PEMT: variants seen among roughly 807,000 people sequenced by gnomAD.
The protein encoded by PEMT is phospholipid methyltransferase.
Under a neutral mutation model 27.4 loss-of-function variants are expected in PEMT, and 23 were observed. The ratio of observed to expected loss-of-function variants is 0.84; its 90% CI spans 0.60 to 1.19. The LOEUF (loss-of-function observed/expected upper bound fraction) is 1.19, where lower values mean the gene tolerates loss of function less well. Ranked by LOEUF, PEMT falls within the 50% of genes most tolerant of loss-of-function variation. The pLI, the probability that PEMT is intolerant of heterozygous loss-of-function variation, is 0.00. For missense variants in PEMT, 307 were observed against 310.1 expected (o/e 0.99, Z 0.07); for synonymous variants, 137 against 139.1 (o/e 0.98, Z 0.11).
chr17:17,558,462 C>T (rs1403017006), intron 2 of PEMT, among the ~76,000 whole-genome samples: 1 of 151,244 alleles, frequency 6.6e-6, no homozygotes, highest in African/African-American at 2.4e-5. Context: ...GAGCTGAGAT[C>T]GTGCCATTGT....
At chr17:17,507,099 G>A (rs1437893209) in intron 5 of PEMT, 42 of 1,466,466 alleles carry the variant, frequency 2.9e-5, no homozygotes, top group African/African-American at 1.3e-4. Context: ...CAAGGAGCCC[G>A]GGCGCAGCTG....
chr17:17,586,870 G>A (rs1912344678), intron 1 of PEMT, among the ~76,000 whole-genome samples: 1 of 152,122 alleles, frequency 6.6e-6, no homozygotes, highest in Admixed American at 6.6e-5. Flanking sequence ...AGGCGTGGTG[G>A]AGGGCGCCTG....
chr17:17,505,999 A>G, intron 6 of PEMT, 151 bp from the exon 7 acceptor site: 1 of 1,325,026 alleles, frequency 7.5e-7, no homozygotes, highest in Non-Finnish European at 1.0e-6. Flanking sequence ...ACTGACTTGG[A>G]GCCTTCAGAG....
chr17:17,570,548 G>A, intron 2 of PEMT: 1 of 985,334 alleles, frequency 1.0e-6, no homozygotes, highest in East Asian at 1.1e-4. Context: ...GCATGAGGGA[G>A]GGGACACCTG....
Position 17,505,755 on chromosome 17 carries a change from G to A in PEMT, c.*36C>T. The A allele has an allele frequency of 1.3e-6, 2 of 1,588,730 alleles. No individual in the cohort carries two copies. Among genetic ancestry groups the A allele is most frequent in the East Asian group, 2.3e-5 (1 of 44,058 alleles). On this transcript the variant is annotated 3_prime_UTR_variant, in exon 7 of 7. Transcript: ENST00000255389. Reference sequence around the variant, plus strand: ...CCTGCCACTTGGGGCAGGCCAGGAGGCTGGCCAGGCCTTCAGCAAAGCTGT... The same window carrying A: ...CCTGCCACTTGGGGCAGGCCAGGAGACTGGCCAGGCCTTCAGCAAAGCTGT...
chr17:17,549,350 T>C (rs1909487328), intron 2 of PEMT, among the ~76,000 whole-genome samples: 1 of 152,146 alleles, frequency 6.6e-6, no homozygotes, highest in African/African-American at 2.4e-5. Context: ...CCACCACACC[T>C]GGCTAATTTT....
chr17:17,531,447 T>C (rs1669428380), intron 2 of PEMT, among the ~76,000 whole-genome samples: 1 of 150,862 alleles, frequency 6.6e-6, no homozygotes, highest in African/African-American at 2.4e-5. Flanking sequence ...AAACCACAAA[T>C]AGATGGATAT....
At chr17:17,567,586 C>G (rs115657889) in intron 2 of PEMT, among the ~76,000 whole-genome samples, 208 of 152,408 alleles carry the variant, frequency 1.4e-3, no homozygotes, top group African/African-American at 4.8e-3. Context: ...AGCGTGGGCA[C>G]TGGGGACAAG....
At chr17:17,516,026 G>A (rs1370341116) in intron 3 of PEMT, among the ~76,000 whole-genome samples, 4 of 152,132 alleles carry the variant, frequency 2.6e-5, no homozygotes, top group Non-Finnish European at 5.9e-5. Context: ...CCAGGCCAGA[G>A]GCACACGGCC....
intron 2 of PEMT, among the ~76,000 whole-genome samples, chr17:17,566,493 A>C (rs1910836247): frequency 6.6e-6 from 1 of 152,112 alleles, no homozygotes; most frequent in South Asian, 2.1e-4. Context: ...GGCAAAACAC[A>C]CACTTTCAAC....
At chr17:17,557,719 G>T (rs1258232706) in intron 2 of PEMT, among the ~76,000 whole-genome samples, 1 of 152,220 alleles carries the variant, frequency 6.6e-6, no homozygotes, top group African/African-American at 2.4e-5. Context: ...AGTAGAGGGG[G>T]ACATTGCAGG....
intron 2 of PEMT, among the ~76,000 whole-genome samples, chr17:17,559,249 G>A (rs1304010378): frequency 6.6e-6 from 1 of 152,212 alleles, no homozygotes; most frequent in Non-Finnish European, 1.5e-5. Flanking sequence ...GGGGAGGGCT[G>A]GAGGCAGTGG....
intron 2 of PEMT, among the ~76,000 whole-genome samples, chr17:17,533,793 C>A (rs900911097): frequency 6.6e-6 from 1 of 151,268 alleles, no homozygotes; most frequent in Non-Finnish European, 1.5e-5. Flanking sequence ...TGCAGTGGTG[C>A]GATCTCGGCT....
At position 17,586,272 on chromosome 17, in the gene PEMT, GAAAGAAAGAAAGAAAGAAAAAA is replaced by G. The variant is rs1450378718; in HGVS notation, c.96+5237_96+5258del. 2.2e-3 allele frequency among the ~76,000 whole-genome samples: 237 copies of G among 108,000 alleles called. 7 individuals carry two copies. The highest frequency in any genetic ancestry group is 9.9e-3 in the African/African-American group (228 of 23,034). 70.9% of individuals were successfully genotyped at this position (108,000 alleles called of 152,430 possible). On this transcript the variant is annotated intron_variant, in intron 1 of 6. Transcript: ENST00000255389. ...AGAAAGAAAGAAAGAAAGAAAGAAA[GAAAGAAAGAAAGAAAGAAAAAA>G]AAAAACGCAGGTGGAAAATCGGGAG...
intron 2 of PEMT, among the ~76,000 whole-genome samples, chr17:17,560,216 C>T (rs1322208519): frequency 1.3e-5 from 2 of 152,218 alleles, no homozygotes; most frequent in African/African-American, 4.8e-5. Flanking sequence ...GATGGAAAGG[C>T]TGTAGGCCCC....
intron 2 of PEMT, among the ~76,000 whole-genome samples, chr17:17,557,985 TG>T (rs1910179129): frequency 6.6e-6 from 1 of 152,156 alleles, no homozygotes; most frequent in African/African-American, 2.4e-5. Context: ...CCCAAGAGCT[TG>T]GCACCTGCAG....
chr17:17,537,007 C>T (rs1015715921), intron 2 of PEMT, among the ~76,000 whole-genome samples: 1 of 152,206 alleles, frequency 6.6e-6, no homozygotes, highest in African/African-American at 2.4e-5. Context: ...CCTCAGCTGC[C>T]CTTACAGGCC....
intron 2 of PEMT, among the ~76,000 whole-genome samples, chr17:17,536,631 C>T (rs928214922): frequency 6.6e-6 from 1 of 152,222 alleles, no homozygotes; most frequent in African/African-American, 2.4e-5. Flanking sequence ...TGGCTGGCTC[C>T]TGTGGGTTTG....
At chr17:17,543,230 G>A (rs1909015777) in intron 2 of PEMT, among the ~76,000 whole-genome samples, 2 of 152,242 alleles carry the variant, frequency 1.3e-5, no homozygotes, top group Admixed American at 1.3e-4. Context: ...TCCACTGCCA[G>A]GGCGTTCTTC....
Sources: gnomAD v4.1 joint callset for allele counts (sites outside exome capture counted in the v4.1 genomes callset) on GRCh38, gnomAD v4.1.1 for gene constraint, MANE v1.5 for transcripts, NCBI Gene and HGNC (gene_info 2026-07-23, HGNC 2026-07-21) for gene names.